Variants in PAAF1 observed in about 807,000 individuals in gnomAD.
The protein encoded by PAAF1 is proteasomal ATPase associated factor 1, also known as proteasomal ATPase-associated factor 1.
Under a neutral mutation model 52.8 loss-of-function variants are expected in PAAF1, and 46 were observed. That is an observed-to-expected ratio of 0.87 (90% CI 0.69 to 1.11). The LOEUF (loss-of-function observed/expected upper bound fraction) is 1.11, where lower values mean the gene tolerates loss of function less well. PAAF1 is among the 50% of genes most tolerant of loss of function. The pLI, the probability that PAAF1 is intolerant of heterozygous loss-of-function variation, is 0.00. For synonymous variants in PAAF1, 178 were observed against 172.8 expected (o/e 1.03, Z -0.24); for missense variants, 424 against 477.4 (o/e 0.89, Z 1.04).
chr11:73,911,018 G>A (rs1949915531), intron 7 of PAAF1, among the ~76,000 whole-genome samples: 1 of 150,770 alleles, frequency 6.6e-6, no homozygotes, highest in Non-Finnish European at 1.5e-5. Flanking sequence ...AAAAGTACAG[G>A]GAGTTCTTAT....
intron 9 of PAAF1, 68 bp downstream of exon 9, chr11:73,916,728 T>A: frequency 9.4e-7 from 1 of 1,066,696 alleles, no homozygotes; most frequent in Non-Finnish European, 1.4e-6. Flanking sequence ...GCTTTAACAT[T>A]GATTTAGCCT....
intron 6 of PAAF1, among the ~76,000 whole-genome samples, chr11:73,908,300 T>C (rs1490971996): frequency 1.4e-5 from 2 of 144,954 alleles, no homozygotes; most frequent in East Asian, 3.9e-4. Flanking sequence ...TATATGTGTG[T>C]ATATATGTAT....
intron 6 of PAAF1, among the ~76,000 whole-genome samples, chr11:73,902,734 T>C (rs1949656249): frequency 6.6e-6 from 1 of 152,182 alleles, no homozygotes; most frequent in African/African-American, 2.4e-5. Flanking sequence ...TCTCACTCTG[T>C]CTCCTAGGCT....
At chr11:73,926,442 C>T (rs1255957713) in intron 11 of PAAF1, among the ~76,000 whole-genome samples, 3 of 151,792 alleles carry the variant, frequency 2.0e-5, no homozygotes, top group East Asian at 3.9e-4. Context: ...TCCGGCCGGG[C>T]GTGGTGGCTC....
intron 6 of PAAF1, among the ~76,000 whole-genome samples, chr11:73,901,652 G>C (rs764011120): frequency 6.6e-6 from 1 of 151,712 alleles, no homozygotes; most frequent in African/African-American, 2.4e-5. Flanking sequence ...GCCTAGGCCG[G>C]AGTCCAGTGG....
chr11:73,889,226 C>T (rs1480109245), intron 3 of PAAF1: 1 of 1,480,668 alleles, frequency 6.8e-7, no homozygotes, highest in Non-Finnish European at 9.0e-7. Context: ...TGCTGTGAAC[C>T]TGCTGAGTGG....
chr11:73,890,700 G>A (rs987424486), intron 3 of PAAF1, among the ~76,000 whole-genome samples: 3 of 152,192 alleles, frequency 2.0e-5, no homozygotes, highest in Non-Finnish European at 4.4e-5. Flanking sequence ...AGGTTTGGGG[G>A]ATGGTGTTGA....
chr11:73,888,034 T>C (rs1187732986), intron 3 of PAAF1, among the ~76,000 whole-genome samples: 1 of 152,170 alleles, frequency 6.6e-6, no homozygotes, highest in Non-Finnish European at 1.5e-5. Flanking sequence ...AGGCGTGAGC[T>C]ACCATGCCCA....
chr11:73,906,341 C>T (rs1487839382), intron 6 of PAAF1, among the ~76,000 whole-genome samples: 1 of 152,190 alleles, frequency 6.6e-6, no homozygotes, highest in East Asian at 1.9e-4. Context: ...CAACCTCTGC[C>T]TCTCGGGTTC....
chr11:73,924,746 T>C (rs764051708), intron 11 of PAAF1, 49 bp downstream of exon 11: 1 of 1,464,684 alleles, frequency 6.8e-7, no homozygotes. Context: ...ATGAGAGATC[T>C]AGGGCTTTTA....
rs1950419055 is a variant in PAAF1, at chr11:73,928,982, G to A, written c.*1620G>A. 1.3e-5 allele frequency: 2 copies of A among 151,852 alleles called. No individual in the cohort carries two copies. Among genetic ancestry groups the A allele is most frequent in the Non-Finnish European group, 2.9e-5 (2 of 67,990 alleles). The allele number at this position is 151,852 out of a possible 1,614,324, so 9.4% of individuals were successfully genotyped here. Reference sequence around the variant, plus strand: ...GATCCACCTGCCTTGGCCTCCCAAAGTGCTGGGATTACAGGTGTGAGCCAC... The same window carrying A: ...GATCCACCTGCCTTGGCCTCCCAAAATGCTGGGATTACAGGTGTGAGCCAC... On this transcript the variant is annotated 3_prime_UTR_variant, in exon 12 of 12. Coordinates refer to ENST00000310571, the MANE Select transcript of PAAF1 (RefSeq NM_025155.3).
chr11:73,928,629 A>G lies in PAAF1; in HGVS notation c.*1267A>G, dbSNP rs1950413221. Reference sequence around the variant, plus strand: ...TTATTAGAGAAAAGTTTCTTGAAAGATGTAACACTTGAGCTGGGACATGCA... The same window carrying G: ...TTATTAGAGAAAAGTTTCTTGAAAGGTGTAACACTTGAGCTGGGACATGCA... On this transcript the variant is annotated 3_prime_UTR_variant, in exon 12 of 12. Transcript: ENST00000310571. 1 of 152,230 alleles carries G rather than the reference A, an allele frequency of 6.6e-6. No homozygotes were observed. Among genetic ancestry groups the G allele is most frequent in the Admixed American group, 6.5e-5 (1 of 15,282 alleles). 9.4% of individuals were successfully genotyped at this position (152,230 alleles called of 1,614,324 possible).
intron 6 of PAAF1, among the ~76,000 whole-genome samples, chr11:73,905,076 C>T (rs183604350): frequency 2.0e-5 from 3 of 152,186 alleles, no homozygotes; most frequent in Admixed American, 1.3e-4. Context: ...TATAATTGTG[C>T]CTGTGAATAG....
rs71065053 is a variant in PAAF1, at chr11:73,899,408, C to CTTT, written c.381+185_381+187dup. Among the ~76,000 whole-genome samples the CTTT allele has an allele frequency of 4.4e-3, 442 of 101,168 alleles. 1 individual carries two copies. Among genetic ancestry groups the CTTT allele is most frequent in the Non-Finnish European group, 5.5e-3 (282 of 50,944 alleles). The allele number at this position is 101,168 out of a possible 152,430, so 66.4% of individuals were successfully genotyped here. A position where few individuals can be genotyped will look rare whatever the true frequency, so the allele number is the denominator to read the frequency against. On this transcript the variant is annotated intron_variant, in intron 5 of 11. Coordinates refer to ENST00000310571, the MANE Select transcript of PAAF1 (RefSeq NM_025155.3). ...TTTGTGTGTTTCTTTTTCTTTTTCT[C>CTTT]TTTTTTTTTTTTTTTTTTTTTTTGA...
rs1199115926 is a variant in PAAF1 at position 73,924,696 on chromosome 11, A to C, written c.1100A>C (p.Lys367Thr). 1.2e-6 allele frequency: 2 copies of C among 1,613,484 alleles called. No individual in the cohort carries two copies. The highest frequency in any genetic ancestry group is 2.7e-5 in the African/African-American group (2 of 74,906). ...GGGGCTGACTGTGACCCTGTGTACA[A>C]GGTACAGGCCTGAGACGACACCAGA... ...LTGADCDPVY[K>T]VATWEKQIYT... The change falls in exon 11 of 12, where the codon AAG becomes ACG. Residue 367 changes from lysine (K) to threonine (T), a missense_variant and splice_region_variant. By Grantham distance (78) the Lys-to-Thr change is moderately conservative. Transcript: ENST00000310571.
chr11:73,901,374 T>C (rs1949608367), intron 6 of PAAF1, among the ~76,000 whole-genome samples: 1 of 152,236 alleles, frequency 6.6e-6, no homozygotes, highest in South Asian at 2.1e-4. Context: ...AATTGGAGTA[T>C]TAAAAAGGAG....
intron 3 of PAAF1, among the ~76,000 whole-genome samples, chr11:73,887,720 A>G (rs2135139440): frequency 6.6e-6 from 1 of 152,296 alleles, no homozygotes; most frequent in South Asian, 2.1e-4. Context: ...TAGTGGCCAC[A>G]TTATAGAGAT....
chr11:73,901,238 C>G (rs1001257214), intron 6 of PAAF1, among the ~76,000 whole-genome samples: 1 of 151,904 alleles, frequency 6.6e-6, no homozygotes, highest in Non-Finnish European at 1.5e-5. Flanking sequence ...AATTACAGTT[C>G]GTGTTTTAAA....
At chr11:73,879,963 G>C (rs998129188) in intron 2 of PAAF1, 1 of 151,924 alleles carries the variant, frequency 6.6e-6, no homozygotes, top group African/African-American at 2.4e-5. Context: ...AATAAGGCCA[G>C]ACGTGGGGGC....
Sources: gnomAD v4.1 joint callset for allele counts (sites outside exome capture counted in the v4.1 genomes callset) on GRCh38, gnomAD v4.1.1 for gene constraint, MANE v1.5 for transcripts, NCBI Gene and HGNC (gene_info 2026-07-23, HGNC 2026-07-21) for gene names.